PARP16: variants seen among roughly 807,000 people sequenced by gnomAD.
PARP16 encodes the protein poly(ADP-ribose) polymerase family member 16.
A neutral mutation model predicts 35.0 loss-of-function variants in PARP16; 31 were observed. The observed-to-expected ratio is 0.88, with a 90% confidence interval of 0.66 to 1.19. The LOEUF (loss-of-function observed/expected upper bound fraction) is 1.19. Among genes scored for constraint, PARP16 ranks in the 50% most tolerant of loss-of-function variants. PARP16 has a pLI of 0.00. For missense variants in PARP16, 424 were observed against 411.2 expected (o/e 1.03, Z -0.27); for synonymous variants, 162 against 169.5 (o/e 0.96, Z 0.34).
At chr15:65,278,602 G>A (rs1416900007) in intron 1 of PARP16, among the ~76,000 whole-genome samples, 1 of 152,160 alleles carries the variant, frequency 6.6e-6, no homozygotes, top group Non-Finnish European at 1.5e-5. Flanking sequence ...TCCTTGCTTG[G>A]AGCAGGAGCA....
Position 65,239,955 on chromosome 15 carries a change from C to CTTTTTTTTTTTTTTTTTTTTTTT in PARP16, c.*98-5133_*98-5132insAAAAAAAAAAAAAAAAAAAAAAA, listed in dbSNP as rs367808430. Among the ~76,000 whole-genome samples the CTTTTTTTTTTTTTTTTTTTTTTT allele has an allele frequency of 3.3e-3, 271 of 81,696 alleles. 38 individuals are homozygous for CTTTTTTTTTTTTTTTTTTTTTTT. Among genetic ancestry groups the CTTTTTTTTTTTTTTTTTTTTTTT allele is most frequent in the Non-Finnish European group, 4.4e-3 (208 of 46,900 alleles). The allele number at this position is 81,696 out of a possible 152,430, so 53.6% of individuals were successfully genotyped here. On this transcript the variant is annotated intron_variant and NMD_transcript_variant, in intron 3 of 3. Coordinates refer to the PARP16 transcript ENST00000559805. ...ACAGGCGTGAGCCACCGCGTCTGAC[C>CTTTTTTTTTTTTTTTTTTTTTTT]TTTTTTTTTTTTTTTTTTTAAATAC... is the stretch of plus-strand genomic sequence containing the variant.
At position 65,259,202 on chromosome 15, in the gene PARP16, T is replaced by G; in HGVS notation, c.*205A>C. ...GAAGGACTCCCCTAAAACCTAAGAG[T>G]GAGGGACTAGTAGTCCCCGTTGACT... On this transcript the variant is annotated 3_prime_UTR_variant, in exon 6 of 6. Coordinates refer to ENST00000649807, the MANE Select transcript of PARP16 (RefSeq NM_001316943.2). The G allele has an allele frequency of 3.3e-6, 2 of 608,446 alleles. No homozygotes were observed. The allele number at this position is 608,446 out of a possible 1,614,324, so 37.7% of individuals were successfully genotyped here. A position where few individuals can be genotyped will look rare whatever the true frequency, so the allele number is the denominator to read the frequency against.
At chr15:65,232,338 C>T (rs1358634023), downstream of PARP16, among the ~76,000 whole-genome samples, 5 of 152,186 alleles carry the variant, frequency 3.3e-5, no homozygotes, top group Non-Finnish European at 7.4e-5. Context: ...TTGCTCCTAT[C>T]AGCTCACAAG....
intron 3 of PARP16, among the ~76,000 whole-genome samples, chr15:65,243,596 T>C (rs973392289): frequency 6.6e-6 from 1 of 152,190 alleles, no homozygotes; most frequent in Non-Finnish European, 1.5e-5. Context: ...GCTGGCCTCA[T>C]AGAATAAGTT....
At chr15:65,278,193 G>A (rs2090313859) in intron 1 of PARP16, among the ~76,000 whole-genome samples, 1 of 152,170 alleles carries the variant, frequency 6.6e-6, no homozygotes, top group Non-Finnish European at 1.5e-5. Flanking sequence ...TGTGAAGACT[G>A]TGTTGAACTG....
In PARP16 at chr15:65,250,106, C is replaced by CTTTTTTTTTTTTTTTTTTTTTTTTTTTTT; in HGVS notation, c.203-1879_203-1878insAAAAAAAAAAAAAAAAAAAAAAAAAAAAA. Among the ~76,000 whole-genome samples the CTTTTTTTTTTTTTTTTTTTTTTTTTTTTT allele has an allele frequency of 1.9e-5, 2 of 104,198 alleles. 1 individual carries two copies. The highest frequency in any genetic ancestry group is 6.6e-4 in the South Asian group (2 of 3,034). The allele number at this position is 104,198 out of a possible 152,430, so 68.4% of individuals were successfully genotyped here. ...CTAGCTGCAGCCTTGCACCTGCTTGCCTTTTTTTTTTTTTTTTTTTTTTTT... is the reference window on the plus strand; with the variant it reads ...CTAGCTGCAGCCTTGCACCTGCTTGCTTTTTTTTTTTTTTTTTTTTTTTTTTTTTCTTTTTTTTTTTTTTTTTTTTTTTT... On this transcript the variant is annotated intron_variant and NMD_transcript_variant, in intron 2 of 3. Coordinates refer to the PARP16 transcript ENST00000559805.
downstream of PARP16, among the ~76,000 whole-genome samples, chr15:65,253,216 G>A (rs2089407079): frequency 6.6e-6 from 1 of 151,710 alleles, no homozygotes; most frequent in Non-Finnish European, 1.5e-5. Flanking sequence ...AGGTATTTCT[G>A]GTGACATCGC....
At chr15:65,281,465 G>A (rs914350463) in intron 1 of PARP16, among the ~76,000 whole-genome samples, 6 of 152,130 alleles carry the variant, frequency 3.9e-5, no homozygotes, top group African/African-American at 1.4e-4. Flanking sequence ...CGAGGAGGGC[G>A]AATCACCTGA....
intron 3 of PARP16, among the ~76,000 whole-genome samples, chr15:65,243,545 C>T (rs1380069124): frequency 6.6e-6 from 1 of 152,174 alleles, no homozygotes; most frequent in African/African-American, 2.4e-5. Flanking sequence ...GTGGCCATGC[C>T]TTCTTGGAAT....
At chr15:65,257,413 G>A (rs2089547067), downstream of PARP16, among the ~76,000 whole-genome samples, 1 of 150,792 alleles carries the variant, frequency 6.6e-6, no homozygotes, top group Non-Finnish European at 1.5e-5. Context: ...TAGCCTAGGT[G>A]ACAGAGCGAG....
chr15:65,254,984 C>T (rs956667867), downstream of PARP16, among the ~76,000 whole-genome samples: 2 of 152,192 alleles, frequency 1.3e-5, no homozygotes, highest in South Asian at 4.1e-4. Flanking sequence ...GAAGCAAGGA[C>T]CTCACCTGTG....
chr15:65,248,128 C>G (rs1006357984), exon 3 of PARP16: 1 of 456,426 alleles, frequency 2.2e-6, no homozygotes. Flanking sequence ...TCTCTACTTT[C>G]CACAGTTCCT....
chr15:65,242,020 T>G (rs2089092393), intron 3 of PARP16, among the ~76,000 whole-genome samples: 1 of 152,228 alleles, frequency 6.6e-6, no homozygotes, highest in Non-Finnish European at 1.5e-5. Flanking sequence ...TAATTAGATT[T>G]GTGGCCCACT....
At chr15:65,263,015 C>T in intron 4 of PARP16, 134 bp downstream of exon 4, 1 of 755,346 alleles carries the variant, frequency 1.3e-6, no homozygotes, top group South Asian at 1.8e-5. Context: ...TGGGCAGGAC[C>T]CTGTCCGGCA....
At chr15:65,246,177 G>A (rs2089205084) in intron 3 of PARP16, among the ~76,000 whole-genome samples, 1 of 152,098 alleles carries the variant, frequency 6.6e-6, no homozygotes, top group South Asian at 2.1e-4. Context: ...AACCCTGGCT[G>A]CACCCTAAAC....
intron 3 of PARP16, among the ~76,000 whole-genome samples, chr15:65,239,892 A>C (rs2089003279): frequency 6.8e-6 from 1 of 146,634 alleles, no homozygotes; most frequent in Non-Finnish European, 1.5e-5. Context: ...TCCTGACTTC[A>C]TGATCCGCTC....
chr15:65,233,305 G>A (rs1203866701), downstream of PARP16, among the ~76,000 whole-genome samples: 1 of 152,132 alleles, frequency 6.6e-6, no homozygotes, highest in East Asian at 1.9e-4. Context: ...GGGAGGCTGA[G>A]GCAGGAGAAT....
chr15:65,233,296 G>A (rs1292721396), downstream of PARP16, among the ~76,000 whole-genome samples: 1 of 152,056 alleles, frequency 6.6e-6, no homozygotes, highest in Non-Finnish European at 1.5e-5. Context: ...CAGCTGCTAG[G>A]GAGGCTGAGG....
intron 1 of PARP16, among the ~76,000 whole-genome samples, chr15:65,274,574 G>C (rs987715295): frequency 4.6e-5 from 4 of 86,124 alleles, no homozygotes; most frequent in African/African-American, 1.1e-4. Flanking sequence ...ACCCTGTCTC[G>C]AATAAAAAAA....
Sources: allele counts gnomAD v4.1 joint callset (sites outside exome capture counted in the v4.1 genomes callset), GRCh38; gene constraint gnomAD v4.1.1; transcripts MANE v1.5; gene names NCBI Gene and HGNC (gene_info 2026-07-23, HGNC 2026-07-21).